The following RMP64 variants were observed in gnomAD, a reference collection of about 807,000 sequenced individuals.
RMP64 encodes ribonuclease MRP subunit p64.
the RMP64 span, chr3:113,019,537 C>T: frequency 6.2e-7 from 1 of 1,610,736 alleles, no homozygotes; most frequent in Non-Finnish European, 8.5e-7. Flanking sequence ...CGGCGCCTCA[C>T]TCACCAAGGG....
the RMP64 span, chr3:113,008,703 T>C: frequency 3.4e-6 from 1 of 298,084 alleles, no homozygotes; most frequent in Non-Finnish European, 6.3e-6. Flanking sequence ...ATTTTTTTGC[T>C]CACTAAGCTT....
At chr3:113,013,384 T>G in the RMP64 span, 1 of 1,611,334 alleles carries the variant, frequency 6.2e-7, no homozygotes, top group South Asian at 1.1e-5. Context: ...CATACTTTGG[T>G]AGTTAAGGGC....
At chr3:113,015,054 A>G in the RMP64 span, 3 of 152,190 alleles carry the variant, frequency 2.0e-5, no homozygotes, top group Non-Finnish European at 4.4e-5. Flanking sequence ...CCTTGGTTCA[A>G]TTTCTAGAAG....
the RMP64 span, chr3:113,011,473 G>C: frequency 3.2e-5 from 44 of 1,383,240 alleles, no homozygotes; most frequent in Non-Finnish European, 4.2e-5. Flanking sequence ...ATAATAAACT[G>C]CAAGATTGAA....
chr3:113,013,484 C>G, the RMP64 span: 3 of 1,209,398 alleles, frequency 2.5e-6, no homozygotes, highest in African/African-American at 4.8e-5. Flanking sequence ...TTTACATTTA[C>G]CAGTTTATTA....
chr3:113,014,868 A>C, the RMP64 span: 1 of 151,636 alleles, frequency 6.6e-6, no homozygotes, highest in Non-Finnish European at 1.5e-5. Flanking sequence ...TTCTCTTTTG[A>C]ACCGCAGTTC....
chr3:113,005,065 G>A, the RMP64 span: 1 of 167,026 alleles, frequency 6.0e-6, no homozygotes, highest in South Asian at 1.5e-4. Flanking sequence ...AATGTCAGGA[G>A]CTACAAACTT....
the RMP64 span, chr3:113,008,206 G>A: frequency 1.2e-6 from 2 of 1,614,114 alleles, no homozygotes; most frequent in Non-Finnish European, 1.7e-6. Context: ...TAAGCCGGTT[G>A]CTTTTAAGAA....
the RMP64 span, chr3:113,017,312 TGGGCTATAG>T: frequency 1.7e-6 from 1 of 589,884 alleles, no homozygotes. Flanking sequence ...CATGTAACTG[TGGGCTATAG>T]GCCTATAAAA....
At chr3:113,009,970 TAAA>T in the RMP64 span, among the ~76,000 whole-genome samples, 1 of 144,104 alleles carries the variant, frequency 6.9e-6, no homozygotes. Context: ...AAGACAGGGT[TAAA>T]AAAAAAAAAA....
At chr3:113,019,584 TC>T in the RMP64 span, 1 of 1,613,844 alleles carries the variant, frequency 6.2e-7, no homozygotes. Context: ...GCGCTGCGGT[TC>T]CCCGCCTTAG....
At chr3:113,006,302 T>TC in the RMP64 span, among the ~76,000 whole-genome samples, 1 of 152,218 alleles carries the variant, frequency 6.6e-6, no homozygotes, top group Admixed American at 6.5e-5. Context: ...TCAGAGCTTT[T>TC]CCCTCATAAC....
chr3:113,010,683 A>G, the RMP64 span: 1 of 1,613,632 alleles, frequency 6.2e-7, no homozygotes, highest in East Asian at 2.2e-5. Context: ...GAAAGCCCTC[A>G]CATCAAATTC....
chr3:113,003,835 G>T, the RMP64 span: 1 of 152,196 alleles, frequency 6.6e-6, no homozygotes, highest in Non-Finnish European at 1.5e-5. Flanking sequence ...AGTAGGAGAA[G>T]CAAGACTGAA....
At chr3:113,009,827 C>T in the RMP64 span, among the ~76,000 whole-genome samples, 3 of 152,176 alleles carry the variant, frequency 2.0e-5, no homozygotes, top group Admixed American at 6.5e-5. Flanking sequence ...TATTACTCCT[C>T]ACTCTGAATT....
At chr3:113,018,630 G>A in the RMP64 span, among the ~76,000 whole-genome samples, 1 of 152,148 alleles carries the variant, frequency 6.6e-6, no homozygotes, top group African/African-American at 2.4e-5. Flanking sequence ...GGCTTTACCA[G>A]CCCAACCGGA....
At chr3:113,014,888 G>A in the RMP64 span, 1 of 151,580 alleles carries the variant, frequency 6.6e-6, no homozygotes, top group Admixed American at 6.6e-5. Context: ...CACTTACTAT[G>A]TTTTCCAAGT....
chr3:113,013,331 C>T, the RMP64 span: 23 of 1,614,052 alleles, frequency 1.4e-5, no homozygotes, highest in Non-Finnish European at 1.9e-5. Context: ...CTCCCAAAAC[C>T]TTCATCAACA....
chr3:113,017,679 A>G, the RMP64 span: 78 of 1,310,474 alleles, frequency 6.0e-5, no homozygotes, highest in Non-Finnish European at 1.8e-5. Flanking sequence ...CACTAAAAAA[A>G]GCATCTTTCC....
Sources: allele counts gnomAD v4.1 joint callset (sites outside exome capture counted in the v4.1 genomes callset), GRCh38; gene constraint gnomAD v4.1.1; transcripts MANE v1.5; gene names NCBI Gene and HGNC (gene_info 2026-07-23, HGNC 2026-07-21).